Variants in PRELID2 observed in about 807,000 individuals in gnomAD.
PRELID2 encodes PRELI domain containing 2.
A neutral mutation model predicts 28.4 loss-of-function variants in PRELID2; 25 were observed. The ratio of observed to expected loss-of-function variants is 0.88; its 90% confidence interval spans 0.64 to 1.23. The LOEUF is 1.23. Ranked by LOEUF, PRELID2 falls within the 50% of genes most tolerant of loss-of-function variation. PRELID2 has a pLI of 0.00. For missense variants in PRELID2, 201 were observed against 214.4 expected, an observed-to-expected ratio of 0.94 and a Z score of 0.39; for synonymous variants, 76 against 71.6, an observed-to-expected ratio of 1.06 and a Z score of -0.31.
In PRELID2 at chr5:145,800,793, A is replaced by G. The variant is rs192388478; in HGVS notation, c.369-4246T>C. 5.2e-3 allele frequency among the ~76,000 whole-genome samples: 790 copies of G among 152,266 alleles called. 19 individuals carry two copies. The highest frequency in any genetic ancestry group is 1.5e-3 in the East Asian group (8 of 5,176). Reference sequence around the variant, plus strand: ...TTTTAAGACTGCCAGAGAAGAAAATATTGCACTTTCCCTCAATAACTCATT... The same window carrying G: ...TTTTAAGACTGCCAGAGAAGAAAATGTTGCACTTTCCCTCAATAACTCATT... On this transcript the variant is annotated intron_variant, in intron 4 of 6. Coordinates refer to ENST00000683046, the MANE Select transcript of PRELID2 (RefSeq NM_205846.3).
At chr5:145,283,680 T>C in the PRELID2 span, among the ~76,000 whole-genome samples, 6 of 152,220 alleles carry the variant, frequency 3.9e-5, no homozygotes, top group Admixed American at 1.3e-4. Flanking sequence ...GAGGATCTTT[T>C]ATTTATGTTG....
chr5:145,486,519 C>A (rs946135412), intron 1 of PRELID2, among the ~76,000 whole-genome samples: 1 of 152,164 alleles, frequency 6.6e-6, no homozygotes, highest in African/African-American at 2.4e-5. Flanking sequence ...CCACCACACC[C>A]CACAACCTCC....
intron 1 of PRELID2, among the ~76,000 whole-genome samples, chr5:145,643,208 G>C (rs1439815384): frequency 6.6e-6 from 1 of 152,094 alleles, no homozygotes; most frequent in South Asian, 2.1e-4. Flanking sequence ...GTAGTTTGTA[G>C]TTCTCCCTGA....
At chr5:145,629,004 C>A (rs749271647) in intron 1 of PRELID2, among the ~76,000 whole-genome samples, 3 of 152,292 alleles carry the variant, frequency 2.0e-5, no homozygotes, top group Non-Finnish European at 4.4e-5. Flanking sequence ...AAATTTGCTT[C>A]GCCTGAGCTG....
In PRELID2 at chr5:145,508,297, T is replaced by TAGA. The variant is rs60772437; in HGVS notation, n.71-34983_71-34982insTCT. ...ATAGATAGATAGATAGATAGATAGATTAAAAAATGTAAAGATTATCTATTA... is the reference window on the plus strand; with the variant it reads ...ATAGATAGATAGATAGATAGATAGATAGATAAAAAATGTAAAGATTATCTATTA... On this transcript the variant is annotated intron_variant and non_coding_transcript_variant, in intron 1 of 2. Transcript: ENST00000510259. Among the ~76,000 whole-genome samples the TAGA allele has an allele frequency of 6.6e-4, 100 of 151,364 alleles. No homozygotes were observed. The East Asian group carries it at 0.011, about 17-fold the overall frequency.
chr5:145,633,713 G>A (rs1466673081), intron 1 of PRELID2, among the ~76,000 whole-genome samples: 2 of 152,144 alleles, frequency 1.3e-5, no homozygotes, highest in African/African-American at 2.4e-5. Context: ...CAAATCAGCC[G>A]CCCTACTTGT....
chr5:145,309,546 C>T, the PRELID2 span, among the ~76,000 whole-genome samples: 1 of 152,126 alleles, frequency 6.6e-6, no homozygotes, highest in South Asian at 2.1e-4. Flanking sequence ...AAAGTATTTG[C>T]TGAAAATATT....
chr5:145,749,471 C>T lies in PRELID2; in HGVS notation n.70+15460G>A, dbSNP rs1249218240. 1.3e-5 allele frequency among the ~76,000 whole-genome samples: 2 copies of T among 152,136 alleles called. 1 individual carries two copies. The highest frequency in any genetic ancestry group is 2.9e-5 in the Non-Finnish European group (2 of 68,010). ...TTAAAAAGTCAAGAAACAATAGATG[C>T]TGGTGAGGCTGTGGAGAAATAGGAA... On this transcript the variant is annotated intron_variant and non_coding_transcript_variant, in intron 1 of 2. Coordinates refer to the PRELID2 transcript ENST00000510259.
intron 1 of PRELID2, among the ~76,000 whole-genome samples, chr5:145,697,080 T>TACACACACAC (rs1491186707): frequency 1.5e-4 from 13 of 85,940 alleles, no homozygotes; most frequent in African/African-American, 4.6e-4. Flanking sequence ...TATATATATA[T>TACACACACAC]ACACACACAC....
intron 1 of PRELID2, among the ~76,000 whole-genome samples, chr5:145,694,175 G>C (rs1755208028): frequency 6.6e-6 from 1 of 152,152 alleles, no homozygotes; most frequent in Non-Finnish European, 1.5e-5. Context: ...CCGAAACATA[G>C]TAAGTGCAAC....
At chr5:145,394,456 TAGCATTAGGTGA>T in the PRELID2 span, among the ~76,000 whole-genome samples, 1 of 148,510 alleles carries the variant, frequency 6.7e-6, no homozygotes, top group Non-Finnish European at 1.5e-5. Context: ...GGGGGAGGGA[TAGCATTAGGTGA>T]TATACCTAAT....
chr5:145,403,639 A>G, the PRELID2 span, among the ~76,000 whole-genome samples: 2 of 152,236 alleles, frequency 1.3e-5, no homozygotes, highest in African/African-American at 4.8e-5. Context: ...GCTATGTACC[A>G]GGAGCTATAC....
chr5:145,650,195 C>A (rs1405436765), intron 1 of PRELID2, among the ~76,000 whole-genome samples: 1 of 152,042 alleles, frequency 6.6e-6, no homozygotes, highest in African/African-American at 2.4e-5. Flanking sequence ...GCCCTGAATT[C>A]TATTTTCACC....
the PRELID2 span, among the ~76,000 whole-genome samples, chr5:145,420,440 T>C: frequency 6.6e-6 from 1 of 150,380 alleles, no homozygotes; most frequent in African/African-American, 2.4e-5. Flanking sequence ...CTTGAAGAGG[T>C]CCTTCACATC....
intron 1 of PRELID2, among the ~76,000 whole-genome samples, chr5:145,703,708 A>G (rs1427606355): frequency 2.6e-5 from 4 of 152,184 alleles, no homozygotes; most frequent in Non-Finnish European, 1.5e-5. Flanking sequence ...GAAAAGAGAG[A>G]TGTTCAAGAT....
chr5:145,458,904 CA>C, the PRELID2 span, among the ~76,000 whole-genome samples: 1 of 152,016 alleles, frequency 6.6e-6, no homozygotes, highest in Non-Finnish European at 1.5e-5. Context: ...GTAATGGGGT[CA>C]GCTTAGAAAC....
chr5:145,740,322 A>C (rs1448930629), intron 1 of PRELID2, among the ~76,000 whole-genome samples: 1 of 94,324 alleles, frequency 1.1e-5, no homozygotes, highest in Non-Finnish European at 2.1e-5. Context: ...ATATATATAA[A>C]TCCTAAATGT....
the PRELID2 span, among the ~76,000 whole-genome samples, chr5:145,391,784 C>G: frequency 2.6e-5 from 4 of 151,772 alleles, no homozygotes; most frequent in Non-Finnish European, 4.4e-5. Context: ...TTTTTTCCAC[C>G]AGATACCCTA....
At chr5:145,272,206 A>C in the PRELID2 span, among the ~76,000 whole-genome samples, 24 of 152,210 alleles carry the variant, frequency 1.6e-4, no homozygotes, top group Non-Finnish European at 2.9e-5. Flanking sequence ...TGCAATAATT[A>C]AATTTGATTA....
Sources: gnomAD v4.1 joint callset for allele counts (sites outside exome capture counted in the v4.1 genomes callset) on GRCh38, gnomAD v4.1.1 for gene constraint, MANE v1.5 for transcripts, NCBI Gene and HGNC (gene_info 2026-07-23, HGNC 2026-07-21) for gene names.